The following NAT10 variants were observed in gnomAD, a reference collection of about 807,000 sequenced individuals.
NAT10 encodes RNA cytidine acetyltransferase.
NAT10 carries 109 observed loss-of-function variants against 132.2 expected under a neutral mutation model. The ratio of observed to expected loss-of-function variants is 0.82; its 90% CI spans 0.71 to 0.97. NAT10 has a LOEUF of 0.97. NAT10 is among the 50% of genes least tolerant of loss of function. NAT10 has a pLI of 0.00. For synonymous variants in NAT10, 479 were observed against 478.0 expected (o/e 1.00, Z -0.03); for missense variants, 1,184 against 1,263.4 (o/e 0.94, Z 0.95).
chr11:34,143,182 G>A (rs775643327), intron 27 of NAT10, among the ~76,000 whole-genome samples: 1 of 152,194 alleles, frequency 6.6e-6, no homozygotes, highest in Non-Finnish European at 1.5e-5. Flanking sequence ...CTTCTGTGCA[G>A]GACTGTCCTC....
Position 34,141,726 on chromosome 11 carries a change from A to G in NAT10, c.2720A>G (p.Asn907Ser), listed in dbSNP as rs760629476. The G allele has an allele frequency of 3.1e-6, 5 of 1,614,096 alleles. No individual in the cohort carries two copies. The highest frequency in any genetic ancestry group is 4.2e-6 in the Non-Finnish European group (5 of 1,180,010). Reference protein sequence around the residue: ...RIIRKVVKLFNEVQEKAIEEQ... With the variant: ...RIIRKVVKLFSEVQEKAIEEQ... The stretch of plus-strand genomic sequence containing the variant: ...GTTGGTTGTCTTTTGTAGCTATTTA[A>G]TGAAGTTCAGGAAAAGGCCATTGAG... The change falls in exon 26 of 29, where the codon AAT (asparagine) becomes AGT (serine). Residue 907 changes from asparagine to serine, a missense_variant. Transcript: ENST00000257829.
At position 34,128,293 on chromosome 11, in the gene NAT10, G is replaced by A. The variant is rs184308777; in HGVS notation, c.1244+694G>A. On this transcript the variant is annotated intron_variant, in intron 12 of 28. Transcript: ENST00000257829. ...TGCTTAAACCCAGGAGGTGGAGGCT[G>A]CAGTGAGCCGAGATTGCACCACTGC... Among the ~76,000 whole-genome samples the A allele has an allele frequency of 3.6e-3, 540 of 151,470 alleles. 2 individuals are homozygous for A. The highest frequency in any genetic ancestry group is 0.012 in the African/African-American group (509 of 41,182).
At chr11:34,126,143 A>G (rs1204425451) in intron 11 of NAT10, among the ~76,000 whole-genome samples, 3 of 152,224 alleles carry the variant, frequency 2.0e-5, no homozygotes, top group Admixed American at 1.3e-4. Context: ...AGTATTGTTG[A>G]CATTTTGATG....
At chr11:34,129,372 G>C (rs1852058975) in intron 12 of NAT10, among the ~76,000 whole-genome samples, 1 of 152,028 alleles carries the variant, frequency 6.6e-6, no homozygotes, top group Non-Finnish European at 1.5e-5. Flanking sequence ...TGCATTTCCT[G>C]GTGACTAATG....
rs1159879516 is a variant in NAT10 at position 34,140,471 on chromosome 11, A to C, written c.2491A>C (p.Asn831His). ...DLKRLEMYSR[N>H]MVDYHLIMDM... The stretch of plus-strand genomic sequence containing the variant: ...GAAGCGGCTGGAGATGTATTCACGG[A>C]ATATGGTGGACTATCACCTCATCAT... The change falls in exon 24 of 29, where the codon AAT (asparagine) becomes CAT (histidine). Residue 831 changes from asparagine (N) to histidine (H), a missense_variant. Transcript: ENST00000257829. 6.2e-7 allele frequency: 1 copy of C among 1,614,020 alleles called. No homozygotes were observed.
chr11:34,108,156 A>G, intron 1 of NAT10, 55 bp from the exon 2 acceptor site: 1 of 1,233,662 alleles, frequency 8.1e-7, no homozygotes, highest in Non-Finnish European at 1.2e-6. Context: ...GCAGCCAGCT[A>G]ATGTTCCTTA....
chr11:34,133,507 T>C (rs1852144911), intron 16 of NAT10, among the ~76,000 whole-genome samples: 2 of 152,356 alleles, frequency 1.3e-5, no homozygotes, highest in South Asian at 2.1e-4. Flanking sequence ...CTAGCATGGA[T>C]GTATTTATGC....
rs1467290497 is a variant in NAT10 at position 34,111,991 on chromosome 11, T to A, written c.201-61T>A. On this transcript the variant is annotated intron_variant, in intron 3 of 28. Transcript: ENST00000257829. ...GTGATCACTGAGCCTTTCCCCTGGTTCCAGCTCTTTAGCTGCTCTGGTTAA... is the reference window on the plus strand; with the variant it reads ...GTGATCACTGAGCCTTTCCCCTGGTACCAGCTCTTTAGCTGCTCTGGTTAA... The A allele has an allele frequency of 3.1e-6, 5 of 1,592,964 alleles. 1 individual carries two copies. In the South Asian group the frequency reaches 5.6e-5, roughly 18 times the overall value.
chr11:34,127,425 T>A (rs1186360742), intron 11 of NAT10, 38 bp from the exon 12 acceptor site: 11 of 1,567,916 alleles, frequency 7.0e-6, no homozygotes, highest in Non-Finnish European at 9.6e-6. Context: ...GTGACATGAG[T>A]TCACTATGCT....
intron 19 of NAT10, 70 bp downstream of exon 19, chr11:34,135,361 A>G: frequency 7.5e-7 from 1 of 1,336,234 alleles, no homozygotes; most frequent in African/African-American, 1.4e-5. Context: ...TTTTAGGGGC[A>G]TCAACAAAAA....
intron 8 of NAT10, among the ~76,000 whole-genome samples, chr11:34,120,722 A>G (rs186947824): frequency 6.6e-6 from 1 of 152,372 alleles, no homozygotes; most frequent in African/African-American, 2.4e-5. Flanking sequence ...TGAGACAGTC[A>G]GTAAATAAAA....
intron 8 of NAT10, among the ~76,000 whole-genome samples, chr11:34,119,492 C>A (rs761992582): frequency 6.6e-6 from 1 of 152,148 alleles, no homozygotes; most frequent in Admixed American, 6.5e-5. Context: ...CTGGTACCCT[C>A]TTTATCACAA....
chr11:34,135,056 G>A, intron 18 of NAT10, 119 bp from the exon 19 acceptor site: 1 of 752,666 alleles, frequency 1.3e-6, no homozygotes. Context: ...TGGTTCTCTT[G>A]CCCCGTGCTG....
chr11:34,108,212 A>G lies in NAT10; in HGVS notation c.-14A>G, dbSNP rs1235090891. 1.2e-6 allele frequency: 2 copies of G among 1,602,184 alleles called. No homozygotes were observed. Among genetic ancestry groups the G allele is most frequent in the Admixed American group, 1.7e-5 (1 of 59,976 alleles). ...CAGTTGTATTTCTTTCTCTTTTAGT[A>G]ATAATTTTTCACCATGCATCGGAAA... On this transcript the variant is annotated splice_region_variant and 5_prime_UTR_variant, in exon 2 of 29. Coordinates refer to ENST00000257829, the MANE Select transcript of NAT10 (RefSeq NM_024662.3).
intron 3 of NAT10, among the ~76,000 whole-genome samples, chr11:34,110,559 CTTTTTT>C (rs948109196): frequency 3.2e-4 from 33 of 101,716 alleles, no homozygotes; most frequent in African/African-American, 1.4e-3. Context: ...TTTTCTTTCC[CTTTTTT>C]TTTTTTTTTT....
chr11:34,106,916 G>C (rs1051591557), intron 1 of NAT10: 2 of 151,990 alleles, frequency 1.3e-5, no homozygotes, highest in Non-Finnish European at 2.9e-5. Flanking sequence ...GAGTTTCTAA[G>C]TAGCATGTCA....
intron 28 of NAT10, among the ~76,000 whole-genome samples, chr11:34,145,757 G>C (rs1806738432): frequency 6.6e-6 from 1 of 152,090 alleles, no homozygotes; most frequent in African/African-American, 2.4e-5. Flanking sequence ...GAATCCTTGT[G>C]GTGCCTTAGG....
rs531934795 is a variant in NAT10 at position 34,113,686 on chromosome 11, C to G, written c.373-30C>G. 6 of 1,596,418 alleles carry G rather than the reference C, an allele frequency of 3.8e-6. No individual in the cohort carries two copies. In the East Asian group the frequency reaches 9.0e-5, roughly 24 times the overall value. ...GTCCTTTGGGTTGCTATTTGCATGA[C>G]CAGCCCTTTCTAACGCCCCCTTCTT... is the stretch of plus-strand genomic sequence containing the variant. On this transcript the variant is annotated intron_variant, in intron 4 of 28. Coordinates refer to ENST00000257829, the MANE Select transcript of NAT10 (RefSeq NM_024662.3).
intron 26 of NAT10, 136 bp from the exon 27 acceptor site, chr11:34,142,139 C>A: frequency 1.2e-6 from 1 of 813,482 alleles, no homozygotes; most frequent in Non-Finnish European, 2.0e-6. Flanking sequence ...AAGCTGCCTA[C>A]AAGGTTTTTG....
Sources: gnomAD v4.1 joint callset for allele counts (sites outside exome capture counted in the v4.1 genomes callset) on GRCh38, gnomAD v4.1.1 for gene constraint, MANE v1.5 for transcripts, NCBI Gene and HGNC (gene_info 2026-07-23, HGNC 2026-07-21) for gene names.